The following WDFY3 variants were observed in gnomAD, a reference collection of about 807,000 sequenced individuals.
WDFY3 encodes WD repeat and FYVE domain-containing protein 3.
A neutral mutation model predicts 409.6 loss-of-function variants in WDFY3; 66 were observed. The observed-to-expected ratio is 0.16, with a 90% CI of 0.13 to 0.20. The LOEUF is 0.20. Among genes scored for constraint, WDFY3 ranks in the 10% least tolerant of loss-of-function variants. The pLI is 1.00. For synonymous variants in WDFY3, 1,521 were observed against 1,537.1 expected (o/e 0.99, Z 0.25); for missense variants, 3,031 against 4,298.1 (o/e 0.71, Z 8.24).
In WDFY3 at chr4:84,753,848, C is replaced by A. The variant is rs202056534; in HGVS notation, c.5588G>T (p.Trp1863Leu). Residue 1863 changes from tryptophan (W) to leucine (L), a missense_variant, in exon 35 of 68, where the codon TGG becomes TTG. By Grantham distance (61) the Trp-to-Leu change is moderately conservative. This residue lies in a region of WDFY3 where 342 missense variants were observed against 463.7 expected (regional missense o/e 0.74). Transcript: ENST00000295888. ...CAGGGTCACAGGATATTCTCGGAGC[C>A]AAGATCCCTCTTCTTCTGATTGCCA... is the stretch of plus-strand genomic sequence containing the variant. ...SPWQSEEEGSWLREYPVTLMQ... is the reference protein window; with the variant it reads ...SPWQSEEEGSLLREYPVTLMQ... 268 of 1,603,120 alleles carry A rather than the reference C, an allele frequency of 1.7e-4. No individual in the cohort carries two copies. Among genetic ancestry groups the A allele is most frequent in the Non-Finnish European group, 2.2e-4 (260 of 1,175,574 alleles).
At chr4:84,774,308 C>T (rs1199433914) in intron 29 of WDFY3, among the ~76,000 whole-genome samples, 1 of 152,212 alleles carries the variant, frequency 6.6e-6, no homozygotes, top group African/African-American at 2.4e-5. Context: ...TTTCTACAGA[C>T]ATGCCTTCAA....
At chr4:84,935,384 T>C (rs1215362044) in intron 1 of WDFY3, among the ~76,000 whole-genome samples, 5 of 152,198 alleles carry the variant, frequency 3.3e-5, no homozygotes, top group Admixed American at 2.6e-4. Flanking sequence ...CGTGTAGTAA[T>C]GCCAACTTTT....
chr4:84,718,828 G>C (rs180842210), intron 47 of WDFY3, among the ~76,000 whole-genome samples: 1 of 152,090 alleles, frequency 6.6e-6, no homozygotes, highest in Non-Finnish European at 1.5e-5. Flanking sequence ...GCAAACATGC[G>C]CTAGCTTCTA....
At position 84,757,010 on chromosome 4, in the gene WDFY3, A is replaced by T. The variant is rs1409313986; in HGVS notation, c.5340T>A (p.Phe1780Leu). The T allele has an allele frequency of 1.9e-6, 3 of 1,613,964 alleles. No individual in the cohort carries two copies. The highest frequency in any genetic ancestry group is 1.7e-5 in the Admixed American group (1 of 59,994). The change falls in exon 33 of 68, where the codon TTT becomes TTA. Residue 1780 changes from phenylalanine to leucine, a missense_variant. Phe to Leu is a conservative substitution (Grantham distance 22). Coordinates refer to ENST00000295888, the MANE Select transcript of WDFY3 (RefSeq NM_014991.6). ...GCAGCTCACTAACTGGCTGCTGCAG[A>T]AACAAGGCCATGAGGAGAAAATAGA... ...PALYFLLMALFLQQPVSELPE... is the reference protein window; with the variant it reads ...PALYFLLMALLLQQPVSELPE...
intron 10 of WDFY3, among the ~76,000 whole-genome samples, chr4:84,822,116 T>C (rs550482738): frequency 6.6e-6 from 1 of 152,274 alleles, no homozygotes; most frequent in South Asian, 2.1e-4. Context: ...TTTGTTAAAG[T>C]AATTTATGGC....
At chr4:84,910,856 C>T (rs910883553) in intron 2 of WDFY3, among the ~76,000 whole-genome samples, 1 of 151,766 alleles carries the variant, frequency 6.6e-6, no homozygotes, top group African/African-American at 2.4e-5. Context: ...CAGGTGTGTG[C>T]CACCATGTCT....
intron 23 of WDFY3, among the ~76,000 whole-genome samples, chr4:84,786,517 A>G (rs1747578413): frequency 6.6e-6 from 1 of 152,210 alleles, no homozygotes; most frequent in African/African-American, 2.4e-5. Flanking sequence ...CCTCCCCTAA[A>G]AAAGCACTCA....
intron 3 of WDFY3, among the ~76,000 whole-genome samples, chr4:84,874,969 G>A (rs1486871083): frequency 1.3e-5 from 2 of 151,988 alleles, no homozygotes; most frequent in African/African-American, 4.8e-5. Flanking sequence ...ATAGGCAACT[G>A]TAACACAATG....
At chr4:84,719,323 T>C (rs1165724106) in intron 47 of WDFY3, among the ~76,000 whole-genome samples, 4 of 152,204 alleles carry the variant, frequency 2.6e-5, no homozygotes, top group African/African-American at 4.8e-5. Context: ...GGAAGGAGCA[T>C]TGCTAAATCT....
At chr4:84,693,988 T>G (rs1450538207) in intron 58 of WDFY3, among the ~76,000 whole-genome samples, 1 of 152,038 alleles carries the variant, frequency 6.6e-6, no homozygotes, top group African/African-American at 2.4e-5. Context: ...GTTGGAAAAC[T>G]AGTATTTGAG....
intron 40 of WDFY3, 142 bp from the exon 41 acceptor site, chr4:84,737,508 T>A: frequency 1.0e-6 from 1 of 961,014 alleles, no homozygotes; most frequent in Non-Finnish European, 1.4e-6. Context: ...GCTCATGTTG[T>A]ATCTAGCCCA....
chr4:84,751,711 A>T lies in WDFY3; in HGVS notation c.5745T>A (p.Thr1915=). Residue 1915 remains threonine (T), a synonymous_variant, in exon 36 of 68, where the codon ACT becomes ACA. Coordinates refer to ENST00000295888, the MANE Select transcript of WDFY3 (RefSeq NM_014991.6). The stretch of plus-strand genomic sequence containing the variant: ...GAGATCCAACTTCATCATCAAGGTC[A>T]GTCACCTAGTAAAATCAAGTGGAAA... ...FNIRPYSEMV[T]DLDDEVGSPA... The T allele has an allele frequency of 6.2e-7, 1 of 1,614,184 alleles. No individual in the cohort carries two copies. The highest frequency in any genetic ancestry group is 8.5e-7 in the Non-Finnish European group (1 of 1,180,032).
At position 84,672,715 on chromosome 4, in the gene WDFY3, G is replaced by T; in HGVS notation, c.*153C>A. On this transcript the variant is annotated 3_prime_UTR_variant, in exon 68 of 68. Transcript: ENST00000295888. The stretch of plus-strand genomic sequence containing the variant: ...TGCCCCATTCCTGTACTCTACACCC[G>T]TTTTATTCAATGATCCCTTTGAATT... 8.8e-7 allele frequency: 1 copy of T among 1,134,222 alleles called. No individual in the cohort carries two copies. The highest frequency in any genetic ancestry group is 1.2e-6 in the Non-Finnish European group (1 of 803,610). The allele number at this position is 1,134,222 out of a possible 1,614,324, so 70.3% of individuals were successfully genotyped here. A position where few individuals can be genotyped will look rare whatever the true frequency, so the allele number is the denominator to read the frequency against.
At chr4:84,758,108 T>C (rs528275080) in intron 32 of WDFY3, among the ~76,000 whole-genome samples, 6 of 152,366 alleles carry the variant, frequency 3.9e-5, no homozygotes, top group African/African-American at 1.4e-4. Context: ...AGCATGTGGT[T>C]CACCTCATAC....
intron 15 of WDFY3, among the ~76,000 whole-genome samples, chr4:84,807,537 T>A (rs1270567220): frequency 6.6e-6 from 1 of 152,160 alleles, no homozygotes; most frequent in East Asian, 1.9e-4. Flanking sequence ...TTGGGATTCA[T>A]TTTTTAAAAG....
intron 53 of WDFY3, among the ~76,000 whole-genome samples, chr4:84,708,589 G>A (rs1295661230): frequency 6.6e-6 from 1 of 151,072 alleles, no homozygotes; most frequent in Non-Finnish European, 1.5e-5. Context: ...CACCCAGTCT[G>A]GAATGCAGTG....
intron 6 of WDFY3, 112 bp from the exon 7 acceptor site, chr4:84,837,202 AT>A: frequency 1.1e-6 from 1 of 911,598 alleles, no homozygotes; most frequent in Non-Finnish European, 1.5e-6. Flanking sequence ...ACTTTTTAAA[AT>A]GCATGTAAGA....
At chr4:84,962,286 G>T (rs1356525710) in intron 1 of WDFY3, among the ~76,000 whole-genome samples, 7 of 150,692 alleles carry the variant, frequency 4.6e-5, no homozygotes, top group African/African-American at 1.5e-4. Context: ...TTTTTTTTCT[G>T]AAGAGTATGT....
At chr4:84,805,120 A>G (rs868688626) in intron 15 of WDFY3, among the ~76,000 whole-genome samples, 3 of 152,322 alleles carry the variant, frequency 2.0e-5, no homozygotes, top group African/African-American at 4.8e-5. Context: ...AAAATATTAC[A>G]TAAAATTATC....
Sources: allele counts gnomAD v4.1 joint callset (sites outside exome capture counted in the v4.1 genomes callset), GRCh38; gene constraint gnomAD v4.1.1; regional missense constraint gnomAD v4.1.1; transcripts MANE v1.5; gene names NCBI Gene and HGNC (gene_info 2026-07-23, HGNC 2026-07-21).